VIT: variants seen among roughly 807,000 people sequenced by gnomAD.
VIT encodes the protein vitrin.
In VIT, 99 loss-of-function variants were observed where a neutral mutation model predicts 78.0. That is an observed-to-expected ratio of 1.27 (90% CI 1.08 to 1.50). The LOEUF (loss-of-function observed/expected upper bound fraction) is 1.50. VIT is among the 40% of genes most tolerant of loss of function. The pLI, the probability that VIT is intolerant of heterozygous loss-of-function variation, is 0.00. For synonymous variants in VIT, 374 were observed against 334.3 expected, an observed-to-expected ratio of 1.12 and a Z score of -1.29; for missense variants, 1,126 against 875.3, an observed-to-expected ratio of 1.29 and a Z score of -3.61.
At chr2:36,749,638 A>G (rs141000305) in intron 4 of VIT, among the ~76,000 whole-genome samples, 66 of 152,308 alleles carry the variant, frequency 4.3e-4, no homozygotes, top group Non-Finnish European at 7.8e-4. Context: ...ATTAAAAAGT[A>G]TCATAGTGGG....
chr2:36,768,468 GA>G (rs1669568411), intron 7 of VIT, among the ~76,000 whole-genome samples: 1 of 152,196 alleles, frequency 6.6e-6, no homozygotes, highest in Admixed American at 6.5e-5. Context: ...TCAGCACTTT[GA>G]ATATGCTAGC....
intron 4 of VIT, among the ~76,000 whole-genome samples, chr2:36,750,840 A>G (rs1287248319): frequency 6.6e-6 from 1 of 152,046 alleles, no homozygotes; most frequent in Admixed American, 6.5e-5. Context: ...AAGAAGAAAA[A>G]AAAATAACAT....
Position 36,758,994 on chromosome 2 carries a change from C to T in VIT, c.435C>T (p.Thr145=). The change falls in exon 6 of 16, where the codon ACC becomes ACT. Residue 145 remains threonine, a synonymous_variant. Coordinates refer to ENST00000379242, the MANE Select transcript of VIT (RefSeq NM_053276.4). The part of the protein sequence containing the change: ...VLESKPKKGV[T]YPSALTYSSS... ...AAAGTAAACCCAAAAAGGGTGTAAC[C>T]TACCCATCAGCTCTTACATACTCAT... is the stretch of plus-strand genomic sequence containing the variant. 2 of 1,614,018 alleles carry T rather than the reference C, an allele frequency of 1.2e-6. No homozygotes were observed. The highest frequency in any genetic ancestry group is 1.7e-6 in the Non-Finnish European group (2 of 1,180,008).
At chr2:36,783,487 C>T (rs1664899883) in intron 11 of VIT, 85 bp downstream of exon 11, 1 of 1,335,376 alleles carries the variant, frequency 7.5e-7, no homozygotes, top group Non-Finnish European at 1.1e-6. Context: ...CCCACTCAAA[C>T]CTGCCTCTCT....
intron 12 of VIT, chr2:36,788,015 C>T: frequency 3.2e-6 from 1 of 311,896 alleles, no homozygotes; most frequent in Non-Finnish European, 6.3e-6. Context: ...CTCACTGAAA[C>T]AGATACATAG....
chr2:36,747,875 G>A (rs575084000), intron 4 of VIT, among the ~76,000 whole-genome samples: 2 of 152,202 alleles, frequency 1.3e-5, no homozygotes, highest in Non-Finnish European at 1.5e-5. Context: ...GTGTGTTTTT[G>A]TGGTAGCAGG....
At chr2:36,762,534 A>C (rs1403845479) in intron 6 of VIT, among the ~76,000 whole-genome samples, 2 of 152,178 alleles carry the variant, frequency 1.3e-5, no homozygotes, top group African/African-American at 4.8e-5. Flanking sequence ...CTTAGTCCCC[A>C]AGTCCTAAGT....
intron 12 of VIT, among the ~76,000 whole-genome samples, chr2:36,799,698 C>A: frequency 7.1e-6 from 1 of 141,796 alleles, no homozygotes; most frequent in East Asian, 2.1e-4. Flanking sequence ...GGTTGAGCAA[C>A]AGAACGAAAC....
At position 36,716,394 on chromosome 2, in the gene VIT, G is replaced by A. The variant is rs1033416000; in HGVS notation, c.24G>A (p.Met8Ile). The A allele has an allele frequency of 1.9e-6, 3 of 1,613,866 alleles. No individual in the cohort carries two copies. Among genetic ancestry groups the A allele is most frequent in the African/African-American group, 1.3e-5 (1 of 74,934 alleles). MRTVVLT[M>I]KASVIEMFLV... is the part of the protein sequence containing the mutation. ...TTATGAGGACTGTTGTTCTCACTAT[G>A]AAGGCATCTGTTATTGAAATGTTCC... Residue 8 changes from methionine (M) to isoleucine (I), a missense_variant, in exon 2 of 16, where the codon ATG becomes ATA. Met to Ile is a conservative substitution (Grantham distance 10, BLOSUM62 1). Transcript: ENST00000379242.
intron 6 of VIT, among the ~76,000 whole-genome samples, chr2:36,762,502 G>A (rs1029177328): frequency 1.3e-5 from 2 of 152,200 alleles, no homozygotes; most frequent in Non-Finnish European, 2.9e-5. Flanking sequence ...CTTGGGGATA[G>A]AAGAGCCTCT....
rs58386453 is a variant in VIT, at chr2:36,784,805, G to A, written c.910+1403G>A. ...AATTCTACCTGTTAGCACTGATGCTGGCATCTTCAGATCAGAATGTTTTCA... is the reference window on the plus strand; with the variant it reads ...AATTCTACCTGTTAGCACTGATGCTAGCATCTTCAGATCAGAATGTTTTCA... On this transcript the variant is annotated intron_variant, in intron 11 of 15. Transcript: ENST00000379242. 5.8e-3 allele frequency among the ~76,000 whole-genome samples: 878 copies of A among 152,312 alleles called. 7 individuals carry two copies. Among genetic ancestry groups the A allele is most frequent in the African/African-American group, 0.02 (845 of 41,546 alleles).
intron 9 of VIT, among the ~76,000 whole-genome samples, chr2:36,780,598 C>T (rs4670609): frequency 0.94 from 143,292 of 152,246 alleles, 67,895 homozygotes; most frequent in East Asian, 1. Context: ...GGTTAATGAC[C>T]GAACTAGATT....
At chr2:36,741,682 G>A (rs748727851) in intron 3 of VIT, among the ~76,000 whole-genome samples, 1 of 152,104 alleles carries the variant, frequency 6.6e-6, no homozygotes, top group African/African-American at 2.4e-5. Flanking sequence ...CTGGATCCAA[G>A]AGTCTGTGAA....
At position 36,799,734 on chromosome 2, in the gene VIT, C is replaced by A. The variant is rs543142821; in HGVS notation, c.1059-1567C>A. ...CCTGTCTCTGAAAAAAAAAAAAAGT[C>A]TTCTCCTTCTTGAAAACTTAGTAGC... On this transcript the variant is annotated intron_variant, in intron 12 of 15. Coordinates refer to ENST00000379242, the MANE Select transcript of VIT (RefSeq NM_053276.4). Among the ~76,000 whole-genome samples, 11 of 144,702 alleles carry A rather than the reference C, an allele frequency of 7.6e-5. No individual in the cohort carries two copies. In the South Asian group the frequency reaches 2.4e-3, roughly 31 times the overall value. The allele number at this position is 144,702 out of a possible 152,430, so 94.9% of individuals were successfully genotyped here. A position where few individuals can be genotyped will look rare whatever the true frequency, so the allele number is the denominator to read the frequency against.
At chr2:36,789,838 G>A (rs755163357) in intron 12 of VIT, among the ~76,000 whole-genome samples, 5 of 152,188 alleles carry the variant, frequency 3.3e-5, no homozygotes, top group East Asian at 1.9e-4. Context: ...ACAAATGACC[G>A]CCTCATCAAG....
At chr2:36,718,820 C>T (rs1558511793) in intron 2 of VIT, among the ~76,000 whole-genome samples, 1 of 152,186 alleles carries the variant, frequency 6.6e-6, no homozygotes, top group African/African-American at 2.4e-5. Context: ...GCCTGGCTTA[C>T]TTTAGCAAAC....
chr2:36,773,679 G>A lies in VIT; in HGVS notation c.680-112G>A, dbSNP rs1049491416. 47 of 902,794 alleles carry A rather than the reference G, an allele frequency of 5.2e-5. No homozygotes were observed. In the Middle Eastern group the frequency reaches 1.2e-3, roughly 23 times the overall value. The allele number at this position is 902,794 out of a possible 1,614,324, so 55.9% of individuals were successfully genotyped here. ...CCGGAGGTTGCAGTGAGCTGAGATC[G>A]CACCACTGCACTCCAGCTCTGGGCA... On this transcript the variant is annotated intron_variant, in intron 7 of 15. Transcript: ENST00000379242.
intron 6 of VIT, among the ~76,000 whole-genome samples, chr2:36,766,576 G>A (rs1669443929): frequency 6.6e-6 from 1 of 152,086 alleles, no homozygotes; most frequent in Non-Finnish European, 1.5e-5. Flanking sequence ...TGCCATCCAG[G>A]TAGTTCTATT....
intron 12 of VIT, chr2:36,787,829 G>C: frequency 2.2e-6 from 1 of 456,332 alleles, no homozygotes; most frequent in South Asian, 1.6e-5. Flanking sequence ...AGGCAATGGA[G>C]AAGAATGGGT....
Sources: gnomAD v4.1 joint callset for allele counts (sites outside exome capture counted in the v4.1 genomes callset) on GRCh38, gnomAD v4.1.1 for gene constraint, MANE v1.5 for transcripts, NCBI Gene and HGNC (gene_info 2026-07-23, HGNC 2026-07-21) for gene names.